Variants in EPB41L3 observed in about 807,000 individuals in gnomAD.
The protein encoded by EPB41L3 is erythrocyte membrane protein band 4.1 like 3.
EPB41L3 carries 57 observed loss-of-function variants against 127.1 expected under a neutral mutation model. That is an observed-to-expected ratio of 0.45 (90% CI 0.36 to 0.56). The LOEUF is 0.56. EPB41L3 is among the 20% of genes least tolerant of loss of function. The pLI, the probability that EPB41L3 is intolerant of heterozygous loss-of-function variation, is 0.00. For synonymous variants in EPB41L3, 572 were observed against 549.5 expected (o/e 1.04, Z -0.57); for missense variants, 1,273 against 1,372.2 (o/e 0.93, Z 1.14).
intron 3 of EPB41L3, among the ~76,000 whole-genome samples, chr18:5,580,359 A>G (rs1294720864): frequency 1.3e-5 from 2 of 152,172 alleles, no homozygotes; most frequent in African/African-American, 4.8e-5. Flanking sequence ...ACACATGTGT[A>G]TAGGCACACA....
chr18:5,457,188 C>T (rs1415252514), intron 3 of EPB41L3, among the ~76,000 whole-genome samples: 7 of 73,912 alleles, frequency 9.5e-5, no homozygotes, highest in African/African-American at 2.4e-4. Flanking sequence ...AACAACTCTA[C>T]CGTTCTTTTA....
At position 5,539,375 on chromosome 18, in the gene EPB41L3, G is replaced by C. The variant is rs180971109; in HGVS notation, c.-12+4538C>G. ...TTTCTCTGTACTGCAAATTACAAAA[G>C]AATTGGTGCTAATAGAAGCTTACAA... is the stretch of plus-strand genomic sequence containing the variant. On this transcript the variant is annotated intron_variant, in intron 1 of 22. Transcript: ENST00000341928. Among the ~76,000 whole-genome samples, 34 of 152,120 alleles carry C rather than the reference G, an allele frequency of 2.2e-4. No homozygotes were observed. The East Asian group carries it at 6.4e-3, about 29-fold the overall frequency.
At chr18:5,564,693 T>C (rs924760303) in intron 3 of EPB41L3, among the ~76,000 whole-genome samples, 4 of 152,166 alleles carry the variant, frequency 2.6e-5, no homozygotes, top group African/African-American at 9.7e-5. Flanking sequence ...ATAGGTCAAC[T>C]GTATCACCTC....
chr18:5,618,975 T>G (rs1482628970), intron 1 of EPB41L3, among the ~76,000 whole-genome samples: 5 of 152,220 alleles, frequency 3.3e-5, no homozygotes, highest in Non-Finnish European at 7.3e-5. Context: ...TTAAATAAGA[T>G]ATGTTTAAAA....
At chr18:5,566,783 T>TATTCTATTCTATTCC (rs2094210601) in intron 3 of EPB41L3, among the ~76,000 whole-genome samples, 2 of 77,462 alleles carry the variant, frequency 2.6e-5, no homozygotes, top group African/African-American at 7.8e-5. Context: ...TATTCTATTC[T>TATTCTATTCTATTCC]ATTCTATTCC....
At chr18:5,627,621 TA>T (rs2094936377) in intron 1 of EPB41L3, among the ~76,000 whole-genome samples, 1 of 152,196 alleles carries the variant, frequency 6.6e-6, no homozygotes, top group Non-Finnish European at 1.5e-5. Flanking sequence ...ATGATTGACC[TA>T]AAAATTATTA....
Position 5,395,617 on chromosome 18 carries a change from T to C in EPB41L3, c.3064A>G (p.Ile1022Val), listed in dbSNP as rs1310640322. ...GTTCTCACTCCACTTACTTTGGTGA[T>C]GTGCGTAGTGGTGGTGGTACTGGTG... ...ETTSTTTTTHITKTVKGGISE... is the reference protein window; with the variant it reads ...ETTSTTTTTHVTKTVKGGISE... Residue 1022 changes from isoleucine (I) to valine (V), a missense_variant, in exon 20 of 23, where the codon ATC becomes GTC. Around this residue, in one of 3 missense-constraint regions of EPB41L3, gnomAD observed 765 missense variants for 782.9 expected, o/e 0.98. Transcript: ENST00000341928. 2 of 1,613,802 alleles carry C rather than the reference T, an allele frequency of 1.2e-6. No individual in the cohort carries two copies. Among genetic ancestry groups the C allele is most frequent in the African/African-American group, 1.3e-5 (1 of 74,914 alleles).
chr18:5,630,532 G>A (rs4083186), upstream of EPB41L3: 455,599 of 517,350 alleles, frequency 0.88, 201,255 homozygotes, highest in East Asian at 0.97. Flanking sequence ...GAATTCTCCG[G>A]GGTCCAGTCT....
chr18:5,607,859 C>A (rs1263016369), intron 3 of EPB41L3, among the ~76,000 whole-genome samples: 1 of 151,958 alleles, frequency 6.6e-6, no homozygotes, highest in Non-Finnish European at 1.5e-5. Flanking sequence ...ATGTGCATGG[C>A]AAAACATTAT....
chr18:5,567,739 A>G (rs1042725729), intron 3 of EPB41L3, among the ~76,000 whole-genome samples: 5 of 152,210 alleles, frequency 3.3e-5, no homozygotes, highest in African/African-American at 9.7e-5. Flanking sequence ...TAGTGGGGAA[A>G]AAAATGCTCT....
intron 6 of EPB41L3, among the ~76,000 whole-genome samples, chr18:5,437,644 G>A (rs899734385): frequency 1.6e-4 from 25 of 152,296 alleles, no homozygotes; most frequent in South Asian, 1.5e-3. Flanking sequence ...TTATGTGTGT[G>A]TGTATGTGTT....
At position 5,550,119 on chromosome 18, in the gene EPB41L3, AG is replaced by A. The variant is rs1313343164; in HGVS notation, c.-305-60959del. Among the ~76,000 whole-genome samples the A allele has an allele frequency of 5.3e-5, 8 of 152,350 alleles. No individual in the cohort carries two copies. In the East Asian group the frequency reaches 1.2e-3, roughly 22 times the overall value. On this transcript the variant is annotated intron_variant, in intron 3 of 21. Coordinates refer to the EPB41L3 transcript ENST00000545076. Reference sequence around the variant, plus strand: ...GACCTTAATTTCCAAGTTTTTACAAAGTTGCCAAGGGATGTCTCATTAAAAT... The same window carrying A: ...GACCTTAATTTCCAAGTTTTTACAAATTGCCAAGGGATGTCTCATTAAAAT...
Position 5,410,677 on chromosome 18 carries a change from A to G in EPB41L3, c.2068-58T>C, listed in dbSNP as rs989053828. ...GGAAGGCAGGGACAGAAAGTAAACCATCTGGTTAAACACGCTCTGGCACAG... is the reference window on the plus strand; with the variant it reads ...GGAAGGCAGGGACAGAAAGTAAACCGTCTGGTTAAACACGCTCTGGCACAG... On this transcript the variant is annotated intron_variant, in intron 13 of 22. Coordinates refer to ENST00000341928, the MANE Select transcript of EPB41L3 (RefSeq NM_012307.5). 7 of 1,457,390 alleles carry G rather than the reference A, an allele frequency of 4.8e-6. No homozygotes were observed. The Admixed American group carries it at 5.1e-5, about 11-fold the overall frequency. 90.3% of individuals were successfully genotyped at this position (1,457,390 alleles called of 1,614,324 possible).
chr18:5,443,960 T>A lies in EPB41L3; in HGVS notation c.487-80A>T, dbSNP rs1045029077. 2.4e-4 allele frequency: 293 copies of A among 1,209,356 alleles called. 2 individuals are homozygous for A. In the East Asian group the frequency reaches 7.0e-3, roughly 29 times the overall value. 74.9% of individuals were successfully genotyped at this position (1,209,356 alleles called of 1,614,324 possible). ...ATGTTGATTAGGTACAGACTCTCCC[T>A]AAATGCAGTGCGGAGTTAGTGGTCG... On this transcript the variant is annotated intron_variant, in intron 4 of 22. Transcript: ENST00000341928.
chr18:5,441,593 G>A (rs2080766911), intron 5 of EPB41L3, among the ~76,000 whole-genome samples: 1 of 151,940 alleles, frequency 6.6e-6, no homozygotes, highest in Non-Finnish European at 1.5e-5. Flanking sequence ...AGCCTCCCGA[G>A]TAGCTGGGAC....
At chr18:5,516,926 C>T (rs1174219675) in intron 1 of EPB41L3, among the ~76,000 whole-genome samples, 1 of 152,126 alleles carries the variant, frequency 6.6e-6, no homozygotes, top group Admixed American at 6.5e-5. Context: ...TTATAAATCA[C>T]AGTTAAGTTT....
At chr18:5,532,701 G>C (rs1487981336) in intron 1 of EPB41L3, among the ~76,000 whole-genome samples, 1 of 152,154 alleles carries the variant, frequency 6.6e-6, no homozygotes, top group African/African-American at 2.4e-5. Context: ...ATTTGGAGAA[G>C]AGATCATTCA....
chr18:5,544,145 TC>T (rs1310918294), upstream of EPB41L3: 9 of 985,160 alleles, frequency 9.1e-6, no homozygotes, highest in Non-Finnish European at 1.1e-5. Context: ...CTGCCTGCCC[TC>T]CCAGCCGCGG....
Position 5,407,235 on chromosome 18 carries a change from T to C in EPB41L3, c.2158-267A>G, listed in dbSNP as rs1190762347. The stretch of plus-strand genomic sequence containing the variant: ...AACTATAAAGAGTACAATTCACATG[T>C]ATCCTGAGAGAATTAAAATAAATAT... On this transcript the variant is annotated intron_variant, in intron 15 of 22. Transcript: ENST00000341928. The C allele has an allele frequency of 1.9e-5, 9 of 466,582 alleles. No homozygotes were observed. In the East Asian group the frequency reaches 3.3e-4, roughly 17 times the overall value. The allele number at this position is 466,582 out of a possible 1,614,324, so 28.9% of individuals were successfully genotyped here.
Sources: allele counts gnomAD v4.1 joint callset (sites outside exome capture counted in the v4.1 genomes callset), GRCh38; gene constraint gnomAD v4.1.1; regional missense constraint gnomAD v4.1.1; transcripts MANE v1.5; gene names NCBI Gene and HGNC (gene_info 2026-07-23, HGNC 2026-07-21).